Variants in PTPRT observed in about 807,000 individuals in gnomAD.
The protein encoded by PTPRT is receptor-type tyrosine-protein phosphatase T.
A neutral mutation model predicts 176.8 loss-of-function variants in PTPRT; 56 were observed. The observed-to-expected ratio is 0.32, with a 90% CI of 0.26 to 0.40. PTPRT has a LOEUF of 0.40. Among genes scored for constraint, PTPRT ranks in the 10% least tolerant of loss-of-function variants. PTPRT has a pLI of 1.00. For synonymous variants in PTPRT, 783 were observed against 739.0 expected (o/e 1.06, Z -0.96); for missense variants, 1,540 against 1,908.2 (o/e 0.81, Z 3.60).
At chr20:42,928,647 G>A (rs1979638131) in intron 1 of PTPRT, among the ~76,000 whole-genome samples, 2 of 152,166 alleles carry the variant, frequency 1.3e-5, no homozygotes, top group Non-Finnish European at 2.9e-5. Context: ...AAAAAGAAAG[G>A]TGTCAGAGGG....
chr20:42,996,111 C>A (rs1338232397), intron 1 of PTPRT, among the ~76,000 whole-genome samples: 2 of 152,176 alleles, frequency 1.3e-5, no homozygotes, highest in Non-Finnish European at 2.9e-5. Flanking sequence ...GGAAAGGTGA[C>A]AACCTGATTG....
chr20:42,214,485 TG>T (rs2055721287), intron 15 of PTPRT, among the ~76,000 whole-genome samples: 1 of 152,156 alleles, frequency 6.6e-6, no homozygotes, highest in South Asian at 2.1e-4. Context: ...TCCCCCAGCA[TG>T]GCAAAGTTAC....
intron 9 of PTPRT, among the ~76,000 whole-genome samples, chr20:42,388,078 C>G (rs1020737583): frequency 6.6e-6 from 1 of 152,136 alleles, no homozygotes; most frequent in Non-Finnish European, 1.5e-5. Context: ...CGTGAGTCAC[C>G]ACGCCTGGCC....
At chr20:43,175,335 A>G (rs956753302) in intron 1 of PTPRT, among the ~76,000 whole-genome samples, 1 of 152,286 alleles carries the variant, frequency 6.6e-6, no homozygotes, top group African/African-American at 2.4e-5. Context: ...AGGATTCCCA[A>G]GAGAAATCCT....
intron 2 of PTPRT, among the ~76,000 whole-genome samples, chr20:42,846,336 C>A (rs1268246912): frequency 1.3e-5 from 2 of 149,074 alleles, no homozygotes; most frequent in Non-Finnish European, 3.0e-5. Context: ...ACCGCCCCCT[C>A]TGAGGAGAGC....
At chr20:42,742,657 T>C (rs2076628570) in intron 6 of PTPRT, among the ~76,000 whole-genome samples, 1 of 152,192 alleles carries the variant, frequency 6.6e-6, no homozygotes, top group Non-Finnish European at 1.5e-5. Context: ...AGGAAGCTTG[T>C]GTGCCCAGAA....
chr20:42,997,509 T>C (rs1266695840), intron 1 of PTPRT, among the ~76,000 whole-genome samples: 1 of 152,082 alleles, frequency 6.6e-6, no homozygotes, highest in East Asian at 1.9e-4. Context: ...AAGTGAGCCA[T>C]TTTCCAGCCC....
chr20:42,595,105 C>T (rs1460662999), intron 7 of PTPRT, among the ~76,000 whole-genome samples: 1 of 152,052 alleles, frequency 6.6e-6, no homozygotes. Context: ...CTCAGCATCG[C>T]AGAGGCCAAA....
chr20:42,628,832 G>A (rs952519291), intron 7 of PTPRT, among the ~76,000 whole-genome samples: 2 of 152,150 alleles, frequency 1.3e-5, no homozygotes, highest in African/African-American at 4.8e-5. Flanking sequence ...CACAATTTCA[G>A]CAGAGTGGAG....
chr20:42,192,678 T>C (rs1991046653), intron 16 of PTPRT, among the ~76,000 whole-genome samples: 1 of 152,176 alleles, frequency 6.6e-6, no homozygotes, highest in African/African-American at 2.4e-5. Flanking sequence ...AGGCTTCCAT[T>C]GCACAAAGTC....
At chr20:42,789,980 G>A (rs572579571) in intron 3 of PTPRT, among the ~76,000 whole-genome samples, 40 of 152,298 alleles carry the variant, frequency 2.6e-4, no homozygotes, top group African/African-American at 8.9e-4. Context: ...TTCTGCTTCA[G>A]ATGCTAGAGA....
At chr20:42,886,050 CATAT>C (rs11473209) in intron 1 of PTPRT, 118 bp from the exon 2 acceptor site, 62 of 339,346 alleles carry the variant, frequency 1.8e-4, no homozygotes, top group Non-Finnish European at 2.5e-4. Flanking sequence ...GAAGATTTTC[CATAT>C]ATATATATAT....
intron 13 of PTPRT, among the ~76,000 whole-genome samples, chr20:42,277,918 A>ATCCATCCG (rs1355998664): frequency 2.0e-5 from 3 of 150,312 alleles, no homozygotes; most frequent in African/African-American, 7.4e-5. Context: ...CCATCCATCC[A>ATCCATCCG]TCCATCCATC....
At chr20:42,265,571 C>G (rs2056825835) in intron 13 of PTPRT, among the ~76,000 whole-genome samples, 1 of 152,154 alleles carries the variant, frequency 6.6e-6, no homozygotes. Flanking sequence ...ACAGGCTGTG[C>G]CCCTGCCTCT....
At chr20:42,832,111 A>G (rs2078099570) in intron 2 of PTPRT, among the ~76,000 whole-genome samples, 1 of 152,254 alleles carries the variant, frequency 6.6e-6, no homozygotes, top group African/African-American at 2.4e-5. Context: ...ACAATAGCAA[A>G]GACATGAAAT....
At chr20:42,215,394 T>C (rs1169565374) in intron 15 of PTPRT, among the ~76,000 whole-genome samples, 1 of 152,240 alleles carries the variant, frequency 6.6e-6, no homozygotes, top group Non-Finnish European at 1.5e-5. Context: ...TGAGAAATGA[T>C]AAATGATGAC....
At chr20:43,172,187 A>C (rs2015017844) in intron 1 of PTPRT, among the ~76,000 whole-genome samples, 1 of 152,126 alleles carries the variant, frequency 6.6e-6, no homozygotes, top group Non-Finnish European at 1.5e-5. Flanking sequence ...ACAGGAGTTG[A>C]ATTCTGTTTT....
In PTPRT at chr20:43,056,394, C is replaced by T. The variant is rs180759168; in HGVS notation, c.88+133252G>A. ...AGTGCTGTATGATGCCACTTCTGGG[C>T]GTGACCCATGCAAACCTCAAATCCA... On this transcript the variant is annotated intron_variant, in intron 1 of 30. Coordinates refer to ENST00000373187, the MANE Select transcript of PTPRT (RefSeq NM_007050.6). 1.9e-3 allele frequency among the ~76,000 whole-genome samples: 292 copies of T among 152,282 alleles called. 1 individual carries two copies. The highest frequency in any genetic ancestry group is 6.8e-3 in the African/African-American group (281 of 41,552).
At chr20:42,135,795 T>G (rs1568960526) in intron 18 of PTPRT, among the ~76,000 whole-genome samples, 2 of 152,058 alleles carry the variant, frequency 1.3e-5, no homozygotes, top group Non-Finnish European at 2.9e-5. Context: ...AATGAGAAAT[T>G]CAAGGCTCCA....
Sources: allele counts gnomAD v4.1 joint callset (sites outside exome capture counted in the v4.1 genomes callset), GRCh38; gene constraint gnomAD v4.1.1; transcripts MANE v1.5; gene names NCBI Gene and HGNC (gene_info 2026-07-23, HGNC 2026-07-21).